SP6: variants seen among roughly 807,000 people sequenced by gnomAD.
The protein encoded by SP6 is Sp6 transcription factor.
In SP6, 10 loss-of-function variants were observed where a neutral mutation model predicts 23.4. The ratio of observed to expected loss-of-function variants is 0.43; its 90% CI spans 0.26 to 0.72. The LOEUF is 0.72. Ranked by LOEUF, SP6 falls within the 30% of genes least tolerant of loss-of-function variation. The probability of loss-of-function intolerance (pLI) is 0.23; values close to 1 mark genes in which losing one functional copy is unlikely to be tolerated. For missense variants in SP6, 482 were observed against 523.8 expected (o/e 0.92, Z 0.78); for synonymous variants, 238 against 238.7 (o/e 1.00, Z 0.03).
At chr17:47,858,786 T>TA (rs1368434736), upstream of SP6, among the ~76,000 whole-genome samples, 1 of 142,500 alleles carries the variant, frequency 7.0e-6, no homozygotes, top group Non-Finnish European at 1.5e-5. Context: ...TTTTTTTTTT[T>TA]TTTTTTTTGA....
rs574983077 is a variant in SP6 at position 47,849,493 on chromosome 17, A to T, written c.-57-1007T>A. Reference sequence around the variant, plus strand: ...AAGATGACATAAGCAAGTGCATCCTAGGCATGGATCATTTTTCAGAAGCTC... The same window carrying T: ...AAGATGACATAAGCAAGTGCATCCTTGGCATGGATCATTTTTCAGAAGCTC... On this transcript the variant is annotated intron_variant, in intron 1 of 1. Coordinates refer to ENST00000536300, the MANE Select transcript of SP6 (RefSeq NM_001258248.2). 7.9e-5 allele frequency among the ~76,000 whole-genome samples: 12 copies of T among 152,346 alleles called. No homozygotes were observed. In the East Asian group the frequency reaches 2.3e-3, roughly 29 times the overall value.
At chr17:47,867,885 G>T in the SP6 span, among the ~76,000 whole-genome samples, 1 of 152,146 alleles carries the variant, frequency 6.6e-6, no homozygotes, top group East Asian at 1.9e-4. Flanking sequence ...GCCTTTGGCA[G>T]ATCCTCAAGC....
upstream of SP6, among the ~76,000 whole-genome samples, chr17:47,857,940 A>G (rs951713829): frequency 1.3e-5 from 2 of 148,374 alleles, no homozygotes; most frequent in African/African-American, 2.5e-5. Flanking sequence ...ACCTCCCCCA[A>G]CTCCAGCAGC....
At chr17:47,868,028 G>A in the SP6 span, among the ~76,000 whole-genome samples, 385 of 151,930 alleles carry the variant, frequency 2.5e-3, 1 homozygote, top group African/African-American at 9.0e-3. Context: ...ATGCACACAC[G>A]CCCTCACTCA....
chr17:47,873,990 T>C, the SP6 span, among the ~76,000 whole-genome samples: 1 of 150,372 alleles, frequency 6.7e-6, no homozygotes, highest in Non-Finnish European at 1.5e-5. Context: ...TTCTTCCTCT[T>C]CCTCTTTTTC....
upstream of SP6, among the ~76,000 whole-genome samples, chr17:47,852,695 C>T (rs1339482499): frequency 6.6e-6 from 1 of 152,084 alleles, no homozygotes; most frequent in African/African-American, 2.4e-5. Flanking sequence ...GAAAATCAAT[C>T]CATGTGTGTA....
At chr17:47,852,486 C>T (rs1355069661), upstream of SP6, among the ~76,000 whole-genome samples, 1 of 152,124 alleles carries the variant, frequency 6.6e-6, no homozygotes, top group African/African-American at 2.4e-5. Flanking sequence ...GATTCGTCTC[C>T]TCTGTGCGCT....
upstream of SP6, among the ~76,000 whole-genome samples, chr17:47,851,598 C>T (rs1487502160): frequency 2.0e-5 from 3 of 152,184 alleles, no homozygotes; most frequent in Non-Finnish European, 2.9e-5. Flanking sequence ...TGCCCCGGAA[C>T]TGGGAGGAAA....
rs1315387020 is a variant in SP6, at chr17:47,846,556, A to ACTTCC, written c.*738_*742dup. 1 of 152,078 alleles carries ACTTCC rather than the reference A, an allele frequency of 6.6e-6. No individual in the cohort carries two copies. The highest frequency in any genetic ancestry group is 2.4e-5 in the African/African-American group (1 of 41,398). The allele number at this position is 152,078 out of a possible 1,614,324, so 9.4% of individuals were successfully genotyped here. A position where few individuals can be genotyped will look rare whatever the true frequency, so the allele number is the denominator to read the frequency against. ...TCCCTATCTCTCATTTTAGAAGAGG[A>ACTTCC]CTTCCCTACTCGCCCCCTCCATCTA... On this transcript the variant is annotated 3_prime_UTR_variant, in exon 2 of 2. Transcript: ENST00000536300.
the SP6 span, among the ~76,000 whole-genome samples, chr17:47,874,184 T>C: frequency 6.6e-6 from 1 of 151,982 alleles, no homozygotes; most frequent in African/African-American, 2.4e-5. Flanking sequence ...CCTCCCTGGC[T>C]CAAGTAATCC....
upstream of SP6, among the ~76,000 whole-genome samples, chr17:47,856,213 G>A (rs961426570): frequency 6.6e-6 from 1 of 152,182 alleles, no homozygotes; most frequent in African/African-American, 2.4e-5. Flanking sequence ...GCCTCTCTGA[G>A]CCACAATTTC....
At position 47,845,663 on chromosome 17, in the gene SP6, C is replaced by G. The variant is rs1295055530; in HGVS notation, c.*1636G>C. On this transcript the variant is annotated 3_prime_UTR_variant, in exon 2 of 2. Transcript: ENST00000536300. ...GATGGGGTCTCCCTGGCTAGAGACCCCAGGCTCAGTAGAGAAACACACATA... is the reference window on the plus strand; with the variant it reads ...GATGGGGTCTCCCTGGCTAGAGACCGCAGGCTCAGTAGAGAAACACACATA... The G allele has an allele frequency of 1.3e-5, 2 of 152,604 alleles. No homozygotes were observed. The highest frequency in any genetic ancestry group is 2.9e-5 in the Non-Finnish European group (2 of 68,038). The allele number at this position is 152,604 out of a possible 1,614,324, so 9.5% of individuals were successfully genotyped here.
rs2033921402 is a variant in SP6, at chr17:47,848,436, G to T, written c.-7C>A. ...CGCAGACAGCGGTTAGCATTGCCGG[G>T]ATCCGGGGTGGGGTGAGGGCAGGGA... On this transcript the variant is annotated 5_prime_UTR_variant, in exon 2 of 2. Transcript: ENST00000536300. This position sits in a 1 kb window ranked among gnomAD's most constrained non-coding sequence, Gnocchi z 5.3. 1.3e-6 allele frequency: 2 copies of T among 1,496,544 alleles called. No homozygotes were observed. Among genetic ancestry groups the T allele is most frequent in the South Asian group, 1.3e-5 (1 of 74,756 alleles). The allele number at this position is 1,496,544 out of a possible 1,614,324, so 92.7% of individuals were successfully genotyped here. A position where few individuals can be genotyped will look rare whatever the true frequency, so the allele number is the denominator to read the frequency against.
At chr17:47,863,661 C>T in the SP6 span, among the ~76,000 whole-genome samples, 2 of 150,636 alleles carry the variant, frequency 1.3e-5, no homozygotes, top group African/African-American at 2.4e-5. Context: ...CTCTGCCTCC[C>T]GGGTCCAAGC....
the SP6 span, among the ~76,000 whole-genome samples, chr17:47,875,327 C>T: frequency 2.6e-5 from 4 of 152,288 alleles, no homozygotes; most frequent in Admixed American, 6.5e-5. Context: ...TCCTTTGTTC[C>T]GCAGTCCCCC....
chr17:47,852,321 G>A (rs1173528854), upstream of SP6, among the ~76,000 whole-genome samples: 1 of 152,116 alleles, frequency 6.6e-6, no homozygotes, highest in Non-Finnish European at 1.5e-5. Flanking sequence ...AAGCACCGGT[G>A]GGTAGGGAAG....
chr17:47,848,250 C>T lies in SP6; in HGVS notation c.180G>A (p.Glu60=). The T allele has an allele frequency of 6.2e-7, 1 of 1,612,016 alleles. No individual in the cohort carries two copies. The highest frequency in any genetic ancestry group is 8.5e-7 in the Non-Finnish European group (1 of 1,179,060). The part of the protein sequence containing the change: ...GELQSLPLGP[E]VDFSQGYELP... ...GCTCATAGCCCTGCGAGAAGTCCACCTCCGGGCCCAGCGGGAGGCTCTGCA... is the reference window on the plus strand; with the variant it reads ...GCTCATAGCCCTGCGAGAAGTCCACTTCCGGGCCCAGCGGGAGGCTCTGCA... The change falls in exon 2 of 2, where the codon GAG becomes GAA. Residue 60 remains glutamate, a synonymous_variant. Transcript: ENST00000536300. This position sits in a 1 kb window ranked among gnomAD's most constrained non-coding sequence, Gnocchi z 5.3.
chr17:47,859,555 A>G (rs1231979157), upstream of SP6, among the ~76,000 whole-genome samples: 1 of 152,178 alleles, frequency 6.6e-6, no homozygotes, highest in Non-Finnish European at 1.5e-5. Context: ...TGAGAAAGGG[A>G]TGGATAAGCC....
chr17:47,854,922 C>T (rs1406229259), upstream of SP6, among the ~76,000 whole-genome samples: 2 of 152,142 alleles, frequency 1.3e-5, no homozygotes, highest in African/African-American at 2.4e-5. Context: ...AGCTGATGAC[C>T]CTGGATGCCA....
Sources: allele counts gnomAD v4.1 joint callset (sites outside exome capture counted in the v4.1 genomes callset), GRCh38; gene constraint gnomAD v4.1.1; non-coding constraint Gnocchi (gnomAD v3.1); transcripts MANE v1.5; gene names NCBI Gene and HGNC (gene_info 2026-07-23, HGNC 2026-07-21).